LTBP1: variants seen among roughly 807,000 people sequenced by gnomAD.
LTBP1 encodes the protein latent-transforming growth factor beta-binding protein 1.
LTBP1 carries 129 observed loss-of-function variants against 207.6 expected under a neutral mutation model. The observed-to-expected ratio is 0.62, with a 90% confidence interval of 0.54 to 0.72. The LOEUF (loss-of-function observed/expected upper bound fraction) is 0.72. Ranked by LOEUF, LTBP1 falls within the 30% of genes least tolerant of loss-of-function variation. LTBP1 has a pLI of 0.00. For missense variants in LTBP1, 2,281 were observed against 2,217.2 expected (o/e 1.03, Z -0.58); for synonymous variants, 963 against 833.7 (o/e 1.16, Z -2.67).
chr2:33,077,860 A>G (rs1438166072), intron 3 of LTBP1, among the ~76,000 whole-genome samples: 1 of 152,182 alleles, frequency 6.6e-6, no homozygotes, highest in Non-Finnish European at 1.5e-5. Context: ...TACTTTTGCA[A>G]CATCTTGGTG....
intron 2 of LTBP1, among the ~76,000 whole-genome samples, chr2:33,017,388 T>C (rs915689941): frequency 6.6e-6 from 1 of 152,156 alleles, no homozygotes; most frequent in African/African-American, 2.4e-5. Context: ...TCGACGTCGC[T>C]TGGAGGGCAG....
chr2:33,235,149 C>T (rs2091981238), intron 9 of LTBP1, among the ~76,000 whole-genome samples: 2 of 151,850 alleles, frequency 1.3e-5, no homozygotes, highest in Admixed American at 1.3e-4. Flanking sequence ...GCAGTCTATC[C>T]ATCTGACAAA....
At chr2:33,342,288 C>T (rs556341920) in intron 24 of LTBP1, among the ~76,000 whole-genome samples, 1 of 152,308 alleles carries the variant, frequency 6.6e-6, no homozygotes, top group South Asian at 2.1e-4. Flanking sequence ...TTGGTGGCAT[C>T]AAATCTTTTC....
chr2:33,369,015 T>A (rs968887031), intron 31 of LTBP1, among the ~76,000 whole-genome samples: 3 of 152,218 alleles, frequency 2.0e-5, no homozygotes, highest in Non-Finnish European at 4.4e-5. Flanking sequence ...AAAAATGAAT[T>A]TTATTTTAAA....
At chr2:33,340,751 G>A (rs1046424011) in intron 24 of LTBP1, among the ~76,000 whole-genome samples, 2 of 152,164 alleles carry the variant, frequency 1.3e-5, no homozygotes, top group Non-Finnish European at 2.9e-5. Context: ...TACGATACAT[G>A]CCAGGCAGTC....
chr2:33,128,899 A>G (rs116394375), intron 4 of LTBP1, among the ~76,000 whole-genome samples: 180 of 152,334 alleles, frequency 1.2e-3, no homozygotes, highest in Non-Finnish European at 2.2e-3. Flanking sequence ...AAATACTACT[A>G]TCCCTTCTGG....
At chr2:33,038,325 C>G (rs1177307855) in intron 3 of LTBP1, among the ~76,000 whole-genome samples, 1 of 152,230 alleles carries the variant, frequency 6.6e-6, no homozygotes, top group Non-Finnish European at 1.5e-5. Flanking sequence ...TTGGTTTCCC[C>G]TGCAGAAAGT....
chr2:33,360,750 A>G lies in LTBP1; in HGVS notation c.4154A>G (p.Glu1385Gly). The G allele has an allele frequency of 6.2e-7, 1 of 1,614,034 alleles. No homozygotes were observed. The highest frequency in any genetic ancestry group is 8.5e-7 in the Non-Finnish European group (1 of 1,179,894). ...GGCGTGGGATGGGGAGATAACTGCG[A>G]AATCTTCCCCTGCCCGGTCTTGGGA... ...TSGVGWGDNC[E>G]IFPCPVLGTA... Residue 1385 changes from glutamate to glycine, a missense_variant, in exon 27 of 34, where the codon GAA (glutamate) becomes GGA (glycine). By Grantham distance (98) the Glu-to-Gly change is moderately conservative. Transcript: ENST00000404816.
At chr2:33,263,257 C>T in intron 14 of LTBP1, 37 bp from the exon 15 acceptor site, 1 of 1,287,800 alleles carries the variant, frequency 7.8e-7, no homozygotes, top group Non-Finnish European at 1.1e-6. Flanking sequence ...ACATAACGGG[C>T]TTTAATTTTC....
At chr2:33,126,580 A>C (rs1381657693) in intron 4 of LTBP1, among the ~76,000 whole-genome samples, 1 of 152,270 alleles carries the variant, frequency 6.6e-6, no homozygotes, top group Non-Finnish European at 1.5e-5. Context: ...TGACAGCTGG[A>C]AAACTTAGAG....
chr2:33,302,573 A>T (rs2094005920), intron 22 of LTBP1, among the ~76,000 whole-genome samples: 1 of 152,178 alleles, frequency 6.6e-6, no homozygotes, highest in Non-Finnish European at 1.5e-5. Context: ...AGAAGCAGTC[A>T]CAAGTGGCTG....
At chr2:33,112,422 C>T (rs926674096) in intron 4 of LTBP1, among the ~76,000 whole-genome samples, 1 of 152,204 alleles carries the variant, frequency 6.6e-6, no homozygotes, top group Non-Finnish European at 1.5e-5. Context: ...CTTTCCCGCT[C>T]ATCCTGTTTA....
At chr2:33,013,471 A>T (rs769009502) in intron 2 of LTBP1, among the ~76,000 whole-genome samples, 4 of 150,272 alleles carry the variant, frequency 2.7e-5, no homozygotes, top group South Asian at 2.1e-4. Context: ...TTTCAGAAAA[A>T]TTTTTTTTCT....
chr2:33,149,228 CAAAAAAAAAAAA>C (rs58303103), intron 5 of LTBP1, among the ~76,000 whole-genome samples: 11 of 82,818 alleles, frequency 1.3e-4, no homozygotes, highest in South Asian at 9.0e-4. Flanking sequence ...CACAAAAAAA[CAAAAAAAAAAAA>C]AAAAAAAAAA....
intron 31 of LTBP1, among the ~76,000 whole-genome samples, chr2:33,383,691 G>GC (rs1334728616): frequency 1.3e-5 from 2 of 152,016 alleles, no homozygotes; most frequent in African/African-American, 4.8e-5. Context: ...GTGCCGCTAT[G>GC]CCCAGCTAAT....
At chr2:33,221,623 T>C (rs1378117153) in intron 8 of LTBP1, among the ~76,000 whole-genome samples, 1 of 152,196 alleles carries the variant, frequency 6.6e-6, no homozygotes. Context: ...GTGTATAATT[T>C]ATTGTCTAAA....
intron 26 of LTBP1, among the ~76,000 whole-genome samples, chr2:33,357,268 A>G (rs2094874728): frequency 6.6e-6 from 1 of 152,182 alleles, no homozygotes; most frequent in Admixed American, 6.5e-5. Context: ...CCTTCAGCTC[A>G]AACCTACTCC....
At chr2:32,961,003 A>C (rs959608072) in intron 2 of LTBP1, among the ~76,000 whole-genome samples, 1 of 152,252 alleles carries the variant, frequency 6.6e-6, no homozygotes, top group Non-Finnish European at 1.5e-5. Flanking sequence ...GTACTATAAA[A>C]CACGAGTGCA....
At chr2:33,085,148 C>G (rs1323631968) in intron 3 of LTBP1, among the ~76,000 whole-genome samples, 2 of 151,922 alleles carry the variant, frequency 1.3e-5, no homozygotes, top group African/African-American at 4.8e-5. Context: ...GGCTGGAGCC[C>G]CTAGAAGCTG....
Sources: allele counts gnomAD v4.1 joint callset (sites outside exome capture counted in the v4.1 genomes callset), GRCh38; gene constraint gnomAD v4.1.1; transcripts MANE v1.5; gene names NCBI Gene and HGNC (gene_info 2026-07-23, HGNC 2026-07-21).